Variants in NYAP2 observed in about 807,000 individuals in gnomAD.
NYAP2 encodes the protein neuronal tyrosine-phosphorylated phosphoinositide-3-kinase adapter 2.
A neutral mutation model predicts 50.4 loss-of-function variants in NYAP2; 23 were observed. That is an observed-to-expected ratio of 0.46 (90% CI 0.33 to 0.65). NYAP2 has a LOEUF of 0.65. Among genes scored for constraint, NYAP2 ranks in the 30% least tolerant of loss-of-function variants. The probability of loss-of-function intolerance (pLI) is 0.02; values close to 1 mark genes in which losing one functional copy is unlikely to be tolerated. For synonymous variants in NYAP2, 394 were observed against 365.2 expected (o/e 1.08, Z -0.90); for missense variants, 885 against 861.0 (o/e 1.03, Z -0.35).
At chr2:225,472,444 G>A (rs929178433) in intron 3 of NYAP2, among the ~76,000 whole-genome samples, 12 of 152,184 alleles carry the variant, frequency 7.9e-5, no homozygotes, top group South Asian at 4.1e-4. Context: ...TAACTGTGAG[G>A]CATAGCATAA....
At chr2:225,591,004 G>C (rs1487138368) in intron 5 of NYAP2, among the ~76,000 whole-genome samples, 1 of 152,200 alleles carries the variant, frequency 6.6e-6, no homozygotes, top group African/African-American at 2.4e-5. Context: ...AGCTGGTGCT[G>C]CTGGTCCAGA....
In NYAP2 at chr2:225,434,726, A is replaced by G. The variant is rs114248543; in HGVS notation, c.221+25625A>G. 8.7e-3 allele frequency among the ~76,000 whole-genome samples: 1,318 copies of G among 152,310 alleles called. 17 individuals carry two copies. Among genetic ancestry groups the G allele is most frequent in the African/African-American group, 0.03 (1,237 of 41,574 alleles). Reference sequence around the variant, plus strand: ...ATGGACAGTGCCATTGTTGTAGATGATACATGTTTCTATATTATCATTTAA... The same window carrying G: ...ATGGACAGTGCCATTGTTGTAGATGGTACATGTTTCTATATTATCATTTAA... On this transcript the variant is annotated intron_variant, in intron 3 of 6. Coordinates refer to ENST00000636099, the Ensembl canonical transcript of NYAP2.
At chr2:225,699,034 G>A in the NYAP2 span, 1 of 151,836 alleles carries the variant, frequency 6.6e-6, no homozygotes, top group Non-Finnish European at 1.5e-5. Context: ...TAGTAACGTA[G>A]AAGTTGAATA....
chr2:225,593,786 C>T lies in NYAP2; in HGVS notation c.1618+10751C>T, dbSNP rs186718543. The stretch of plus-strand genomic sequence containing the variant: ...GAATTAATAGGCACACTTAAGAAGG[C>T]TATTGAACTTTAGGGAAAAAAGCCA... On this transcript the variant is annotated intron_variant, in intron 5 of 6. Transcript: ENST00000636099. Among the ~76,000 whole-genome samples the T allele has an allele frequency of 1.5e-4, 23 of 152,242 alleles. No individual in the cohort carries two copies. The East Asian group carries it at 3.9e-3, about 26-fold the overall frequency.
At chr2:225,460,351 A>G (rs1053743883) in intron 3 of NYAP2, among the ~76,000 whole-genome samples, 1 of 152,206 alleles carries the variant, frequency 6.6e-6, no homozygotes, top group African/African-American at 2.4e-5. Context: ...AAAACACTGA[A>G]CTTGTAATTT....
At chr2:225,692,036 AT>A in the NYAP2 span, among the ~76,000 whole-genome samples, 1 of 152,120 alleles carries the variant, frequency 6.6e-6, no homozygotes, top group Non-Finnish European at 1.5e-5. Context: ...AAGAAATTAA[AT>A]TTTACTCTCA....
chr2:225,403,003 C>T (rs548912667), intron 2 of NYAP2, among the ~76,000 whole-genome samples: 1 of 151,858 alleles, frequency 6.6e-6, no homozygotes, highest in African/African-American at 2.4e-5. Flanking sequence ...GTATCAGAAG[C>T]CTGATTATTT....
At chr2:225,427,273 C>T in intron 3 of NYAP2, among the ~76,000 whole-genome samples, 1 of 152,160 alleles carries the variant, frequency 6.6e-6, no homozygotes, top group East Asian at 1.9e-4. Context: ...TGATTGTCCA[C>T]AAAAGGGACA....
chr2:225,647,128 T>G (rs1178729943), intron 6 of NYAP2, among the ~76,000 whole-genome samples: 1 of 152,104 alleles, frequency 6.6e-6, no homozygotes, highest in Admixed American at 6.5e-5. Flanking sequence ...TAGTAAATAA[T>G]TATTTGTCAT....
chr2:225,441,576 C>T (rs1205350471), intron 3 of NYAP2, among the ~76,000 whole-genome samples: 10 of 151,966 alleles, frequency 6.6e-5, no homozygotes, highest in East Asian at 5.8e-4. Context: ...ATAATCATGG[C>T]GGAAGGCAAA....
At chr2:225,491,776 A>T (rs573091803) in intron 3 of NYAP2, among the ~76,000 whole-genome samples, 2 of 152,318 alleles carry the variant, frequency 1.3e-5, no homozygotes, top group African/African-American at 2.4e-5. Flanking sequence ...ATCTCAGAAA[A>T]GTTTGCCCTG....
intron 5 of NYAP2, among the ~76,000 whole-genome samples, chr2:225,607,613 G>A (rs1015530098): frequency 1.3e-5 from 2 of 152,086 alleles, no homozygotes; most frequent in African/African-American, 2.4e-5. Context: ...CCTGACCCAG[G>A]TTATAAAGAT....
intron 6 of NYAP2, among the ~76,000 whole-genome samples, chr2:225,645,448 T>C (rs1320159481): frequency 6.6e-6 from 1 of 152,094 alleles, no homozygotes; most frequent in East Asian, 1.9e-4. Flanking sequence ...TTTTTTCTTC[T>C]TTCTTCCTTT....
At chr2:225,604,884 T>G (rs1367586) in intron 5 of NYAP2, among the ~76,000 whole-genome samples, 144,800 of 152,028 alleles carry the variant, frequency 0.95, 69,068 homozygotes, top group African/African-American at 0.99. Context: ...ATCCCTAAAA[T>G]GTTTACTCTT....
intron 3 of NYAP2, among the ~76,000 whole-genome samples, chr2:225,452,423 A>T (rs184046953): frequency 2.6e-5 from 4 of 152,342 alleles, no homozygotes. Context: ...CACCTAAGGC[A>T]GAAGACAATT....
chr2:225,510,305 C>A (rs922079820), intron 3 of NYAP2, among the ~76,000 whole-genome samples: 3 of 152,108 alleles, frequency 2.0e-5, no homozygotes, highest in African/African-American at 7.2e-5. Flanking sequence ...ATTGATATAT[C>A]TACTCATTAA....
chr2:225,517,994 T>C (rs1690965471), intron 4 of NYAP2, among the ~76,000 whole-genome samples: 1 of 152,122 alleles, frequency 6.6e-6, no homozygotes, highest in Non-Finnish European at 1.5e-5. Context: ...AGGAAACCAG[T>C]ATGTTGAAGA....
intron 5 of NYAP2, among the ~76,000 whole-genome samples, chr2:225,616,225 C>A (rs546336272): frequency 1.2e-4 from 18 of 152,248 alleles, no homozygotes; most frequent in African/African-American, 4.3e-4. Flanking sequence ...TTCTTTCTCT[C>A]TATATATTTG....
chr2:225,508,096 G>A (rs1404196628), intron 3 of NYAP2, among the ~76,000 whole-genome samples: 1 of 152,190 alleles, frequency 6.6e-6, no homozygotes, highest in Non-Finnish European at 1.5e-5. Flanking sequence ...CTAACCAACA[G>A]ACAAGTAGAT....
Sources: gnomAD v4.1 joint callset for allele counts (sites outside exome capture counted in the v4.1 genomes callset) on GRCh38, gnomAD v4.1.1 for gene constraint, MANE v1.5 for transcripts, NCBI Gene and HGNC (gene_info 2026-07-23, HGNC 2026-07-21) for gene names.